The following NPTN variants were observed in gnomAD, a reference collection of about 807,000 sequenced individuals.
NPTN encodes SDR-1.
A neutral mutation model predicts 42.7 loss-of-function variants in NPTN; 5 were observed. That is an observed-to-expected ratio of 0.12 (90% CI 0.06 to 0.25). NPTN has a LOEUF of 0.25. Ranked by LOEUF, NPTN falls within the 10% of genes least tolerant of loss-of-function variation. The pLI, the probability that NPTN is intolerant of heterozygous loss-of-function variation, is 1.00. For synonymous variants in NPTN, 180 were observed against 201.9 expected (o/e 0.89, Z 0.92); for missense variants, 307 against 525.4 (o/e 0.58, Z 4.06).
intron 1 of NPTN, among the ~76,000 whole-genome samples, chr15:73,630,416 C>A (rs1898676471): frequency 6.6e-6 from 1 of 152,168 alleles, no homozygotes; most frequent in South Asian, 2.1e-4. Flanking sequence ...TTTAAACTAC[C>A]ATTTTGATGA....
At chr15:73,592,230 G>C (rs752738241) in intron 2 of NPTN, 93 bp from the exon 3 acceptor site, 4 of 1,047,252 alleles carry the variant, frequency 3.8e-6, no homozygotes, top group Non-Finnish European at 5.4e-6. Flanking sequence ...GGGGAAACTA[G>C]AAAAAGAGGG....
rs1355031595 is a variant in NPTN at position 73,580,523 on chromosome 15, TTATATATGTATATATTTGTTATATATG to T, written c.707-6755_707-6729del. On this transcript the variant is annotated intron_variant, in intron 4 of 8. Transcript: ENST00000345330. The stretch of plus-strand genomic sequence containing the variant: ...AATATATATATTATATATAATATAG[TTATATATGTATATATTTGTTATATATG>T]TATATATGTATATACATGTTATATA... Among the ~76,000 whole-genome samples, 29 of 138,650 alleles carry T rather than the reference TTATATATGTATATATTTGTTATATATG, an allele frequency of 2.1e-4. No individual in the cohort carries two copies. The East Asian group carries it at 5.8e-3, about 28-fold the overall frequency. The allele number at this position is 138,650 out of a possible 152,430, so 91.0% of individuals were successfully genotyped here.
chr15:73,562,050 T>G, intron 7 of NPTN, 80 bp from the exon 8 acceptor site: 6 of 1,022,100 alleles, frequency 5.9e-6, no homozygotes, highest in Non-Finnish European at 7.3e-6. Flanking sequence ...ATACAGGGAC[T>G]CTTTCACTTA....
chr15:73,605,088 AC>A (rs1341185600), intron 1 of NPTN, among the ~76,000 whole-genome samples: 2 of 127,044 alleles, frequency 1.6e-5, no homozygotes, highest in Non-Finnish European at 3.2e-5. Context: ...CAGAGTAGAG[AC>A]CCTGTCTCAA....
At chr15:73,591,036 C>T (rs1896566221) in intron 3 of NPTN, among the ~76,000 whole-genome samples, 1 of 152,088 alleles carries the variant, frequency 6.6e-6, no homozygotes, top group South Asian at 2.1e-4. Context: ...GGAACCTAGC[C>T]TTGGTTCTAG....
At position 73,560,113 on chromosome 15, in the gene NPTN, T is replaced by C. The variant is rs1321897996; in HGVS notation, c.*950A>G. On this transcript the variant is annotated 3_prime_UTR_variant, in exon 9 of 9. Coordinates refer to ENST00000345330, the MANE Select transcript of NPTN (RefSeq NM_012428.4). ...CACAAAACACACAAGTACATGCATC[T>C]ACAATTACGCACCGCATGAGAACCG... 1 of 482,152 alleles carries C rather than the reference T, an allele frequency of 2.1e-6. No individual in the cohort carries two copies. Among genetic ancestry groups the C allele is most frequent in the African/African-American group, 2.0e-5 (1 of 48,916 alleles). 29.9% of individuals were successfully genotyped at this position (482,152 alleles called of 1,614,324 possible). A position where few individuals can be genotyped will look rare whatever the true frequency, so the allele number is the denominator to read the frequency against.
At position 73,633,268 on chromosome 15, in the gene NPTN, G is replaced by A. The variant is rs1321737187; in HGVS notation, c.-53C>T. 14 of 1,269,208 alleles carry A rather than the reference G, an allele frequency of 1.1e-5. No individual in the cohort carries two copies. The highest frequency in any genetic ancestry group is 1.6e-5 in the African/African-American group (1 of 64,076). 78.6% of individuals were successfully genotyped at this position (1,269,208 alleles called of 1,614,324 possible). On this transcript the variant is annotated 5_prime_UTR_variant, in exon 1 of 9. Transcript: ENST00000345330. ...ATGGGCCGGGGCCAGAGCCGGGGCC[G>A]GGGAAGGGAGGGGAGGGAGGGAGGG...
intron 1 of NPTN, among the ~76,000 whole-genome samples, chr15:73,628,490 T>G (rs957088958): frequency 3.9e-5 from 6 of 152,352 alleles, no homozygotes; most frequent in African/African-American, 1.2e-4. Flanking sequence ...TTCAAACTTT[T>G]GTTGAACATC....
chr15:73,604,100 A>C (rs1425348164), intron 1 of NPTN, among the ~76,000 whole-genome samples: 1 of 152,162 alleles, frequency 6.6e-6, no homozygotes, highest in African/African-American at 2.4e-5. Context: ...TGACAAGCTA[A>C]ACAAGCATGA....
At position 73,569,863 on chromosome 15, in the gene NPTN, A is replaced by G; in HGVS notation, c.1114+287T>C. The G allele has an allele frequency of 2.1e-6, 2 of 960,238 alleles. No individual in the cohort carries two copies. The highest frequency in any genetic ancestry group is 2.5e-6 in the Non-Finnish European group (2 of 806,968). 59.5% of individuals were successfully genotyped at this position (960,238 alleles called of 1,614,324 possible). On this transcript the variant is annotated intron_variant, in intron 6 of 8. Coordinates refer to ENST00000345330, the MANE Select transcript of NPTN (RefSeq NM_012428.4). This position sits in a 1 kb window ranked among gnomAD's most constrained non-coding sequence, Gnocchi z 4.1. ...AGACTGACAGCTGCCCATTCACCAC[A>G]TGGGGCCTGAAAGGCAGATGGGACT...
intron 1 of NPTN, among the ~76,000 whole-genome samples, chr15:73,619,893 T>A (rs755528959): frequency 3.9e-4 from 59 of 152,324 alleles, no homozygotes; most frequent in South Asian, 1.5e-3. Flanking sequence ...AGCACATGTA[T>A]CTTGTGTCAT....
intron 1 of NPTN, among the ~76,000 whole-genome samples, chr15:73,630,253 C>CT (rs1019698492): frequency 6.6e-6 from 1 of 152,190 alleles, no homozygotes; most frequent in African/African-American, 2.4e-5. Flanking sequence ...CAAGATCACT[C>CT]AGCTACTGAC....
intron 1 of NPTN, among the ~76,000 whole-genome samples, chr15:73,601,986 G>A (rs1021817381): frequency 1.3e-5 from 2 of 152,150 alleles, no homozygotes; most frequent in African/African-American, 4.8e-5. Context: ...GAGAAAAGGA[G>A]GAGCTTGCTG....
chr15:73,573,587 G>T (rs1895527972), intron 5 of NPTN, 75 bp downstream of exon 5: 9 of 1,464,278 alleles, frequency 6.1e-6, no homozygotes, highest in Non-Finnish European at 7.2e-6. Context: ...AGCTACTACA[G>T]TAACTGACCC....
intron 4 of NPTN, among the ~76,000 whole-genome samples, chr15:73,582,458 C>T (rs1896098258): frequency 1.3e-5 from 2 of 152,162 alleles, no homozygotes; most frequent in African/African-American, 4.8e-5. Context: ...AAGCATTCTC[C>T]ACCCACAGCA....
chr15:73,631,089 G>A (rs1337941740), intron 1 of NPTN, among the ~76,000 whole-genome samples: 1 of 152,090 alleles, frequency 6.6e-6, no homozygotes, highest in African/African-American at 2.4e-5. Flanking sequence ...AGTCTTTATA[G>A]GCCTATCCAG....
intron 4 of NPTN, among the ~76,000 whole-genome samples, chr15:73,578,816 A>G (rs1895832400): frequency 6.6e-6 from 1 of 152,074 alleles, no homozygotes; most frequent in Admixed American, 6.6e-5. Flanking sequence ...CAACCTGGTG[A>G]AACCTTGTCT....
intron 1 of NPTN, among the ~76,000 whole-genome samples, chr15:73,610,421 T>G (rs537754661): frequency 1.3e-5 from 2 of 152,174 alleles, no homozygotes; most frequent in Non-Finnish European, 1.5e-5. Flanking sequence ...GAGATCAACT[T>G]TTTTTTAAGC....
Position 73,569,519 on chromosome 15 carries a change from C to T in NPTN, c.1114+631G>A. 1.0e-6 allele frequency: 1 copy of T among 985,424 alleles called. No homozygotes were observed. Among genetic ancestry groups the T allele is most frequent in the Non-Finnish European group, 1.2e-6 (1 of 829,944 alleles). The allele number at this position is 985,424 out of a possible 1,614,324, so 61.0% of individuals were successfully genotyped here. On this transcript the variant is annotated intron_variant, in intron 6 of 8. Coordinates refer to ENST00000345330, the MANE Select transcript of NPTN (RefSeq NM_012428.4). This position sits in a 1 kb window ranked among gnomAD's most constrained non-coding sequence, Gnocchi z 4.1. ...CTGTCTTACACTAGATGGGTGGATA[C>T]ATCAGACTCTCCTTTGTCTGTGAGA... is the stretch of plus-strand genomic sequence containing the variant.
Sources: gnomAD v4.1 joint callset for allele counts (sites outside exome capture counted in the v4.1 genomes callset) on GRCh38, gnomAD v4.1.1 for gene constraint, Gnocchi (gnomAD v3.1) non-coding constraint, MANE v1.5 for transcripts, NCBI Gene and HGNC (gene_info 2026-07-23, HGNC 2026-07-21) for gene names.